Variants in MED12L observed in about 807,000 individuals in gnomAD.
MED12L encodes mediator of RNA polymerase II transcription subunit 12-like protein.
A neutral mutation model predicts 281.3 loss-of-function variants in MED12L; 60 were observed. The ratio of observed to expected loss-of-function variants is 0.21; its 90% confidence interval spans 0.17 to 0.26. MED12L has a LOEUF of 0.26. MED12L is among the 10% of genes least tolerant of loss of function. The probability of loss-of-function intolerance (pLI) is 1.00; values close to 1 mark genes in which losing one functional copy is unlikely to be tolerated. For synonymous variants in MED12L, 974 were observed against 987.2 expected, an observed-to-expected ratio of 0.99 and a Z score of 0.25; for missense variants, 2,146 against 2,680.9, an observed-to-expected ratio of 0.80 and a Z score of 4.41.
At chr3:151,405,002 G>T (rs994024104) in intron 39 of MED12L, among the ~76,000 whole-genome samples, 4 of 152,076 alleles carry the variant, frequency 2.6e-5, no homozygotes, top group African/African-American at 9.7e-5. Context: ...AAAACTTATC[G>T]GATGCATTCA....
intron 16 of MED12L, among the ~76,000 whole-genome samples, chr3:151,222,930 C>G (rs1317279272): frequency 2.6e-5 from 4 of 152,136 alleles, no homozygotes; most frequent in Non-Finnish European, 4.4e-5. Context: ...TCATCATAAT[C>G]TTCCCATCTT....
intron 16 of MED12L, chr3:151,213,100 T>A (rs1175450854): frequency 4.4e-6 from 2 of 452,134 alleles, no homozygotes; most frequent in East Asian, 7.3e-5. Flanking sequence ...AAGGTCAGTA[T>A]TAGAGAAATT....
intron 5 of MED12L, among the ~76,000 whole-genome samples, chr3:151,135,223 G>T (rs565441452): frequency 7.2e-5 from 11 of 152,100 alleles, no homozygotes; most frequent in South Asian, 6.2e-4. Context: ...CACCATGTTG[G>T]CCAGGTTGGT....
chr3:151,391,163 G>A (rs991481368), intron 38 of MED12L, among the ~76,000 whole-genome samples: 3 of 152,184 alleles, frequency 2.0e-5, no homozygotes, highest in African/African-American at 4.8e-5. Flanking sequence ...CTTTTTAAAA[G>A]ATGAAATAAA....
intron 16 of MED12L, chr3:151,338,261 T>C: frequency 6.2e-7 from 1 of 1,614,012 alleles, no homozygotes; most frequent in Middle Eastern, 1.6e-4. Context: ...AGAAAATGAC[T>C]TGACAGATGT....
At chr3:151,301,155 A>G (rs192606376) in intron 16 of MED12L, among the ~76,000 whole-genome samples, 125 of 152,264 alleles carry the variant, frequency 8.2e-4, no homozygotes, top group Admixed American at 2.5e-3. Context: ...TTTGGGTGCC[A>G]GCATCACATT....
At chr3:151,396,665 C>T (rs530472487) in intron 39 of MED12L, among the ~76,000 whole-genome samples, 8 of 152,128 alleles carry the variant, frequency 5.3e-5, no homozygotes, top group Non-Finnish European at 8.8e-5. Flanking sequence ...TAAAGTAAAA[C>T]TTGCCACTTT....
chr3:151,177,319 G>A (rs951733540), intron 11 of MED12L, among the ~76,000 whole-genome samples: 7 of 151,980 alleles, frequency 4.6e-5, no homozygotes, highest in Admixed American at 1.3e-4. Flanking sequence ...GATGTGAGCA[G>A]CAGCATGGTA....
chr3:151,311,226 C>T (rs1172969122), intron 16 of MED12L, among the ~76,000 whole-genome samples: 1 of 151,896 alleles, frequency 6.6e-6, no homozygotes, highest in South Asian at 2.1e-4. Flanking sequence ...ATTTCTGGGT[C>T]TTAGGATGAA....
At chr3:151,309,665 T>C (rs1476806527) in intron 16 of MED12L, among the ~76,000 whole-genome samples, 1 of 152,206 alleles carries the variant, frequency 6.6e-6, no homozygotes, top group Admixed American at 6.5e-5. Context: ...TAAGTGCTCC[T>C]CAGCCCCTGT....
At chr3:151,122,759 C>A in intron 3 of MED12L, 24 bp from the exon 4 acceptor site, 1 of 1,541,660 alleles carries the variant, frequency 6.5e-7, no homozygotes, top group South Asian at 1.3e-5. Context: ...CTTAACTTTC[C>A]CTTTTTTTCT....
chr3:151,140,501 C>CT (rs1233912894), intron 5 of MED12L, among the ~76,000 whole-genome samples: 9 of 152,150 alleles, frequency 5.9e-5, no homozygotes, highest in Non-Finnish European at 1.5e-5. Flanking sequence ...CACTGTAACT[C>CT]TATGTGCCCG....
At chr3:151,173,825 G>T (rs1471706876) in intron 11 of MED12L, among the ~76,000 whole-genome samples, 1 of 152,176 alleles carries the variant, frequency 6.6e-6, no homozygotes, top group Non-Finnish European at 1.5e-5. Context: ...TTATGTTCTT[G>T]ACTGGACAGC....
intron 11 of MED12L, among the ~76,000 whole-genome samples, chr3:151,182,413 TA>T (rs1299070207): frequency 6.6e-6 from 1 of 152,156 alleles, no homozygotes; most frequent in Non-Finnish European, 1.5e-5. Context: ...AGTAAAATTA[TA>T]AATAAGTGAA....
At chr3:151,309,204 C>A (rs115852557) in intron 16 of MED12L, among the ~76,000 whole-genome samples, 1 of 151,764 alleles carries the variant, frequency 6.6e-6, no homozygotes, top group Non-Finnish European at 1.5e-5. Context: ...TTATCAACTT[C>A]TGGCATTAAT....
intron 16 of MED12L, among the ~76,000 whole-genome samples, chr3:151,341,205 C>T (rs1258650414): frequency 6.6e-6 from 1 of 151,782 alleles, no homozygotes; most frequent in Non-Finnish European, 1.5e-5. Context: ...AGTCTCTGGC[C>T]CTTTGTTTTT....
chr3:151,120,867 T>C (rs151143314), intron 3 of MED12L, among the ~76,000 whole-genome samples: 1 of 152,354 alleles, frequency 6.6e-6, no homozygotes, highest in Admixed American at 6.5e-5. Flanking sequence ...TCTAGTCTTT[T>C]GCTTTCTTGG....
At chr3:151,346,352 G>A (rs1005797857) in intron 16 of MED12L, among the ~76,000 whole-genome samples, 7 of 152,072 alleles carry the variant, frequency 4.6e-5, no homozygotes, top group Admixed American at 4.6e-4. Context: ...AGAGTCTTTT[G>A]ATGATCTTCA....
intron 16 of MED12L, among the ~76,000 whole-genome samples, chr3:151,246,814 A>G (rs1735626738): frequency 6.6e-6 from 1 of 152,232 alleles, no homozygotes; most frequent in African/African-American, 2.4e-5. Context: ...AAAAGATACT[A>G]CCATCAGAGT....
Sources: gnomAD v4.1 joint callset for allele counts (sites outside exome capture counted in the v4.1 genomes callset) on GRCh38, gnomAD v4.1.1 for gene constraint, MANE v1.5 for transcripts, NCBI Gene and HGNC (gene_info 2026-07-23, HGNC 2026-07-21) for gene names.